Variants in ZC3HAV1 observed in about 807,000 individuals in gnomAD.
ZC3HAV1 encodes zinc finger CCCH-type antiviral protein 1.
ZC3HAV1 carries 41 observed loss-of-function variants against 86.6 expected under a neutral mutation model. The observed-to-expected ratio is 0.47, with a 90% CI of 0.37 to 0.61. ZC3HAV1 has a LOEUF of 0.61. Among genes scored for constraint, ZC3HAV1 ranks in the 20% least tolerant of loss-of-function variants. The pLI is 0.00. For synonymous variants in ZC3HAV1, 421 were observed against 432.1 expected, an observed-to-expected ratio of 0.97 and a Z score of 0.32; for missense variants, 964 against 1,141.1, an observed-to-expected ratio of 0.84 and a Z score of 2.24.
At chr7:139,062,068 G>C (rs1199415941) in intron 8 of ZC3HAV1, among the ~76,000 whole-genome samples, 1 of 152,224 alleles carries the variant, frequency 6.6e-6, no homozygotes, top group Non-Finnish European at 1.5e-5. Flanking sequence ...TGGGGATAAA[G>C]TGAGGTGTAT....
At chr7:139,101,499 C>G (rs1314581469) in intron 1 of ZC3HAV1, among the ~76,000 whole-genome samples, 3 of 99,586 alleles carry the variant, frequency 3.0e-5, no homozygotes, top group African/African-American at 4.0e-5. Context: ...GCCACCACCC[C>G]GTCTGGGAGG....
At chr7:139,101,516 C>T in intron 1 of ZC3HAV1, among the ~76,000 whole-genome samples, 1 of 45,804 alleles carries the variant, frequency 2.2e-5, no homozygotes, top group Non-Finnish European at 4.4e-5. Context: ...GAGGTGTACC[C>T]AACAGCTCAT....
At position 139,083,797 on chromosome 7, in the gene ZC3HAV1, T is replaced by A; in HGVS notation, c.680A>T (p.Asn227Ile). ...GCCTTTACCTCTGGGCCCTGGGGGA[T>A]TCTTCTGCATGTGCTTGCTGTTGCA... ...DICNSKHMQK[N>I]PPGPRAPSSH... The change falls in exon 3 of 13, where the codon AAT becomes ATT. Residue 227 changes from asparagine to isoleucine, a missense_variant. Physicochemically the swap from Asn to Ile is moderately radical, Grantham distance 149. Transcript: ENST00000242351. 2 of 1,611,648 alleles carry A rather than the reference T, an allele frequency of 1.2e-6. No homozygotes were observed. The highest frequency in any genetic ancestry group is 2.2e-5 in the South Asian group (2 of 91,048).
intron 2 of ZC3HAV1, 145 bp from the exon 3 acceptor site, chr7:139,084,177 C>G: frequency 8.8e-7 from 1 of 1,135,904 alleles, no homozygotes; most frequent in Non-Finnish European, 1.2e-6. Flanking sequence ...ATTCTGCAGT[C>G]TTTGATGAGT....
At chr7:139,070,559 G>C (rs1329757836) in intron 7 of ZC3HAV1, among the ~76,000 whole-genome samples, 2 of 151,860 alleles carry the variant, frequency 1.3e-5, no homozygotes, top group African/African-American at 2.4e-5. Context: ...AGCTATTTGG[G>C]AGGCTGAGGC....
intron 1 of ZC3HAV1, among the ~76,000 whole-genome samples, chr7:139,093,839 G>A (rs1292361058): frequency 6.6e-6 from 1 of 152,186 alleles, no homozygotes; most frequent in Admixed American, 6.5e-5. Context: ...GTACAGACAA[G>A]CTCAGCAGCA....
intron 2 of ZC3HAV1, among the ~76,000 whole-genome samples, chr7:139,089,063 C>T (rs952795749): frequency 3.8e-5 from 5 of 132,682 alleles, no homozygotes; most frequent in Non-Finnish European, 7.7e-5. Flanking sequence ...GATCGTGCCA[C>T]TGCACTCCAG....
At chr7:139,062,326 T>A (rs1276264504) in intron 8 of ZC3HAV1, among the ~76,000 whole-genome samples, 2 of 152,214 alleles carry the variant, frequency 1.3e-5, no homozygotes, top group Non-Finnish European at 2.9e-5. Flanking sequence ...TCCAAGTTTC[T>A]ATCACTGCTC....
chr7:139,090,749 G>T (rs1817406376), intron 1 of ZC3HAV1, among the ~76,000 whole-genome samples: 2 of 152,152 alleles, frequency 1.3e-5, no homozygotes, highest in South Asian at 4.1e-4. Context: ...TATTCTCTAA[G>T]AATTAATTTT....
intron 7 of ZC3HAV1, among the ~76,000 whole-genome samples, chr7:139,068,427 G>A (rs146629430): frequency 7.9e-5 from 12 of 152,236 alleles, no homozygotes; most frequent in African/African-American, 1.9e-4. Context: ...CAGAGTGATC[G>A]TCTTGCACCT....
intron 9 of ZC3HAV1, 31 bp downstream of exon 9, chr7:139,061,005 T>C: frequency 6.2e-7 from 1 of 1,612,842 alleles, no homozygotes; most frequent in Non-Finnish European, 8.5e-7. Flanking sequence ...CTCAAGCATC[T>C]GTCAGCAAAC....
At chr7:139,083,496 A>G (rs927627352) in intron 3 of ZC3HAV1, among the ~76,000 whole-genome samples, 5 of 152,098 alleles carry the variant, frequency 3.3e-5, no homozygotes, top group Admixed American at 3.3e-4. Flanking sequence ...TGAAAGGCTG[A>G]GGCAGGGAGA....
At chr7:139,069,392 G>A (rs1445764675) in intron 7 of ZC3HAV1, among the ~76,000 whole-genome samples, 2 of 152,134 alleles carry the variant, frequency 1.3e-5, no homozygotes, top group African/African-American at 2.4e-5. Flanking sequence ...CTAGAGCTGT[G>A]GCTTGTCCTT....
intron 12 of ZC3HAV1, among the ~76,000 whole-genome samples, chr7:139,052,097 T>G (rs1244422129): frequency 6.6e-6 from 1 of 152,150 alleles, no homozygotes; most frequent in Non-Finnish European, 1.5e-5. Flanking sequence ...AACATTTACA[T>G]TCATAAATAT....
intron 12 of ZC3HAV1, among the ~76,000 whole-genome samples, chr7:139,051,639 G>T (rs749565493): frequency 6.6e-6 from 1 of 152,182 alleles, no homozygotes; most frequent in East Asian, 1.9e-4. Flanking sequence ...GCCCAAGCTG[G>T]TCTCCAACTC....
chr7:139,071,288 G>A (rs549335440), intron 7 of ZC3HAV1, among the ~76,000 whole-genome samples: 44 of 152,060 alleles, frequency 2.9e-4, no homozygotes, highest in African/African-American at 1.0e-3. Context: ...TTTTAATAGA[G>A]ACACAGTTTC....
chr7:139,086,498 GACA>G (rs1433934152), intron 2 of ZC3HAV1, among the ~76,000 whole-genome samples: 1 of 146,256 alleles, frequency 6.8e-6, no homozygotes, highest in Non-Finnish European at 1.5e-5. Context: ...AAAGTATGAT[GACA>G]ACATTTTCCT....
chr7:139,049,138 T>A (rs1191438553), intron 12 of ZC3HAV1, among the ~76,000 whole-genome samples: 2 of 112,430 alleles, frequency 1.8e-5, no homozygotes, highest in African/African-American at 7.5e-5. Context: ...TTTTTTTTTT[T>A]TTTTTCGTTG....
chr7:139,086,726 G>T (rs965667078), intron 2 of ZC3HAV1, among the ~76,000 whole-genome samples: 1 of 152,106 alleles, frequency 6.6e-6, no homozygotes, highest in African/African-American at 2.4e-5. Flanking sequence ...GAATCATGGG[G>T]GCAGTTACTC....
Sources: gnomAD v4.1 joint callset for allele counts (sites outside exome capture counted in the v4.1 genomes callset) on GRCh38, gnomAD v4.1.1 for gene constraint, MANE v1.5 for transcripts, NCBI Gene and HGNC (gene_info 2026-07-23, HGNC 2026-07-21) for gene names.